Variants in ZC3H18 observed in about 807,000 individuals in gnomAD.
ZC3H18 encodes the protein zinc finger CCCH domain-containing protein 18.
ZC3H18 carries 8 observed loss-of-function variants against 106.1 expected under a neutral mutation model. That is an observed-to-expected ratio of 0.08 (90% confidence interval 0.04 to 0.14). The LOEUF is 0.14. ZC3H18 is among the 10% of genes least tolerant of loss of function. The pLI is 1.00. For synonymous variants in ZC3H18, 635 were observed against 522.1 expected, an observed-to-expected ratio of 1.22 and a Z score of -2.95; for missense variants, 1,318 against 1,278.4, an observed-to-expected ratio of 1.03 and a Z score of -0.47.
chr16:88,622,161 G>A, intron 8 of ZC3H18, 36 bp from the exon 9 acceptor site: 6 of 1,585,406 alleles, frequency 3.8e-6, no homozygotes, highest in Non-Finnish European at 5.2e-6. Flanking sequence ...GAAGCGGAAG[G>A]TGGCCTGAGA....
At chr16:88,616,785 A>G (rs12449048) in intron 8 of ZC3H18, among the ~76,000 whole-genome samples, 6,505 of 152,236 alleles carry the variant, frequency 0.043, 184 homozygotes, top group South Asian at 0.066. Flanking sequence ...CCATTTGGGA[A>G]GATTCTGCCT....
chr16:88,611,341 G>A lies in ZC3H18; in HGVS notation c.1280G>A (p.Arg427Gln), dbSNP rs578224132. ...CGGGAGCGGGAGCGGGACCGAGAGCGGGAGCGCCGGCAGAGGGAGCGCGAG... is the reference window on the plus strand; with the variant it reads ...CGGGAGCGGGAGCGGGACCGAGAGCAGGAGCGCCGGCAGAGGGAGCGCGAG... The part of the protein sequence containing the change: ...RERERERDRE[R>Q]ERRQRERERE... The change falls in exon 8 of 18, where the codon CGG becomes CAG. Residue 427 changes from arginine (R) to glutamine (Q), a missense_variant. Physicochemically the swap from Arg to Gln is conservative, Grantham distance 43. Coordinates refer to ENST00000301011, the MANE Select transcript of ZC3H18 (RefSeq NM_144604.4). The A allele has an allele frequency of 5.0e-6, 4 of 799,268 alleles. No individual in the cohort carries two copies. The highest frequency in any genetic ancestry group is 4.3e-5 in the South Asian group (3 of 69,118). The allele number at this position is 799,268 out of a possible 1,614,324, so 49.5% of individuals were successfully genotyped here. A position where few individuals can be genotyped will look rare whatever the true frequency, so the allele number is the denominator to read the frequency against.
At chr16:88,626,540 A>T (rs895559620) in intron 13 of ZC3H18, 1 of 151,896 alleles carries the variant, frequency 6.6e-6, no homozygotes, top group East Asian at 1.9e-4. Flanking sequence ...TTCTGGAGAG[A>T]CATGGTCTTG....
chr16:88,623,381 T>C (rs774385795), intron 10 of ZC3H18, 37 bp downstream of exon 10: 1 of 1,606,756 alleles, frequency 6.2e-7, no homozygotes, highest in South Asian at 1.1e-5. Flanking sequence ...CCTCAGCAGG[T>C]GCAGTGAGCA....
At chr16:88,623,066 T>C in intron 9 of ZC3H18, 153 bp from the exon 10 acceptor site, 1 of 1,074,120 alleles carries the variant, frequency 9.3e-7, no homozygotes, top group Non-Finnish European at 1.3e-6. Context: ...TATGCGTCTG[T>C]GCGCGCGTCT....
intron 6 of ZC3H18, 99 bp from the exon 7 acceptor site, chr16:88,608,835 G>T: frequency 1.0e-6 from 1 of 995,076 alleles, no homozygotes; most frequent in Non-Finnish European, 1.5e-6. Flanking sequence ...AAACCCCACT[G>T]CGTCACGGTC....
chr16:88,630,628 C>A, intron 17 of ZC3H18, 47 bp downstream of exon 17: 1 of 1,523,384 alleles, frequency 6.6e-7, no homozygotes, highest in Non-Finnish European at 8.9e-7. Flanking sequence ...GGGGGCCAGC[C>A]CCAGTCGCTT....
chr16:88,602,675 G>A (rs922383279), intron 6 of ZC3H18, among the ~76,000 whole-genome samples: 10 of 152,152 alleles, frequency 6.6e-5, no homozygotes, highest in African/African-American at 2.2e-4. Context: ...TCCTAATGTC[G>A]AGAGTTTTCT....
rs951312869 is a variant in ZC3H18, at chr16:88,598,441, T to C, written c.837+115T>C. The C allele has an allele frequency of 2.2e-5, 33 of 1,502,636 alleles. 1 individual carries two copies. The South Asian group carries it at 3.9e-4, about 18-fold the overall frequency. 93.1% of individuals were successfully genotyped at this position (1,502,636 alleles called of 1,614,324 possible). On this transcript the variant is annotated intron_variant, in intron 4 of 17. Coordinates refer to ENST00000301011, the MANE Select transcript of ZC3H18 (RefSeq NM_144604.4). The stretch of plus-strand genomic sequence containing the variant: ...CACAGGCTCAGTGCCCCCTTTCGGC[T>C]GCTTCTGTCGTCCCGAGTGGAAGCA...
Position 88,624,625 on chromosome 16 carries a change from C to G in ZC3H18, c.1922C>G (p.Ala641Gly), listed in dbSNP as rs2142818379. The G allele has an allele frequency of 6.2e-7, 1 of 1,613,942 alleles. No individual in the cohort carries two copies. The highest frequency in any genetic ancestry group is 2.2e-5 in the East Asian group (1 of 44,880). Residue 641 changes from alanine to glycine, a missense_variant, in exon 12 of 18, where the codon GCC (alanine) becomes GGC (glycine). By Grantham distance (60) the Ala-to-Gly change is moderately conservative. Coordinates refer to ENST00000301011, the MANE Select transcript of ZC3H18 (RefSeq NM_144604.4). ...AGAGAGAAGTCAGTGAAGAAGCCGG[C>G]CCCGCCTCCAGCCCCACCACAGGCC... ...KAGEKSVKKP[A>G]PPPAPPQATK...
Position 88,630,760 on chromosome 16 carries a change from C to CA in ZC3H18, c.2663+179_2663+180insA, listed in dbSNP as rs1355756145. Among the ~76,000 whole-genome samples the CA allele has an allele frequency of 6.5e-5, 7 of 108,388 alleles. No homozygotes were observed. The South Asian group carries it at 1.8e-3, about 28-fold the overall frequency. The allele number at this position is 108,388 out of a possible 152,430, so 71.1% of individuals were successfully genotyped here. A position where few individuals can be genotyped will look rare whatever the true frequency, so the allele number is the denominator to read the frequency against. ...CGAATTGCAGCCCCACCCCCCACCC[C>CA]CCCCCACACACACACACACGCTCCT... On this transcript the variant is annotated intron_variant, in intron 17 of 17. Transcript: ENST00000301011.
At chr16:88,605,408 G>A (rs1435281330) in intron 6 of ZC3H18, among the ~76,000 whole-genome samples, 2 of 152,248 alleles carry the variant, frequency 1.3e-5, no homozygotes, top group African/African-American at 4.8e-5. Context: ...GCACCAGGTC[G>A]ACCATGCTGG....
At chr16:88,618,794 G>A (rs879517722) in intron 8 of ZC3H18, among the ~76,000 whole-genome samples, 3 of 152,188 alleles carry the variant, frequency 2.0e-5, no homozygotes, top group African/African-American at 4.8e-5. Flanking sequence ...GTTCTCCCCT[G>A]CGGTTGGAAG....
intron 9 of ZC3H18, 108 bp from the exon 10 acceptor site, chr16:88,623,111 G>T: frequency 7.5e-6 from 11 of 1,475,720 alleles, no homozygotes; most frequent in Non-Finnish European, 1.0e-5. Flanking sequence ...GTGCGCTTGT[G>T]TGTAGCTGTG....
rs149402429 is a variant in ZC3H18, at chr16:88,604,408, C to T, written c.1088+4460C>T. The stretch of plus-strand genomic sequence containing the variant: ...AGACATTAAGAAATGAAATGACGGC[C>T]GGGCACAGTGGCTCACGCCTGTAAT... On this transcript the variant is annotated intron_variant, in intron 6 of 17. Transcript: ENST00000301011. Among the ~76,000 whole-genome samples the T allele has an allele frequency of 2.0e-3, 302 of 150,958 alleles. 2 individuals carry two copies. In the East Asian group the frequency reaches 0.037, roughly 19 times the overall value.
At chr16:88,579,084 A>G (rs530447172) in intron 2 of ZC3H18, among the ~76,000 whole-genome samples, 1 of 152,290 alleles carries the variant, frequency 6.6e-6, no homozygotes, top group South Asian at 2.1e-4. Flanking sequence ...GGCACTGCTC[A>G]GTAATTTATA....
At chr16:88,581,957 C>T (rs1480608126) in intron 2 of ZC3H18, among the ~76,000 whole-genome samples, 1 of 152,156 alleles carries the variant, frequency 6.6e-6, no homozygotes, top group African/African-American at 2.4e-5. Context: ...ATTTGATTAG[C>T]AGGCCTTCCG....
intron 6 of ZC3H18, among the ~76,000 whole-genome samples, chr16:88,600,515 G>A (rs1347174400): frequency 6.6e-6 from 1 of 152,226 alleles, no homozygotes; most frequent in Admixed American, 6.5e-5. Context: ...CTGGGTTGAA[G>A]TGATTCTCCT....
At chr16:88,580,825 C>T (rs1288850827) in intron 2 of ZC3H18, among the ~76,000 whole-genome samples, 1 of 152,120 alleles carries the variant, frequency 6.6e-6, no homozygotes, top group Non-Finnish European at 1.5e-5. Context: ...GCAAAGTGTC[C>T]GTTCTAGAAG....
Sources: gnomAD v4.1 joint callset for allele counts (sites outside exome capture counted in the v4.1 genomes callset) on GRCh38, gnomAD v4.1.1 for gene constraint, MANE v1.5 for transcripts, NCBI Gene and HGNC (gene_info 2026-07-23, HGNC 2026-07-21) for gene names.